TBC1D8: variants seen among roughly 807,000 people sequenced by gnomAD.
TBC1D8 encodes BUB2-like protein 1.
Under a neutral mutation model 118.8 loss-of-function variants are expected in TBC1D8, and 65 were observed. The observed-to-expected ratio is 0.55, with a 90% CI of 0.45 to 0.67. TBC1D8 has a LOEUF of 0.67. Ranked by LOEUF, TBC1D8 falls within the 30% of genes least tolerant of loss-of-function variation. The pLI is 0.00. For synonymous variants in TBC1D8, 566 were observed against 595.8 expected, an observed-to-expected ratio of 0.95 and a Z score of 0.73; for missense variants, 1,376 against 1,471.2, an observed-to-expected ratio of 0.94 and a Z score of 1.06.
intron 2 of TBC1D8, among the ~76,000 whole-genome samples, chr2:101,073,145 C>A (rs1191069523): frequency 1.7e-5 from 1 of 59,936 alleles, no homozygotes; most frequent in Non-Finnish European, 5.2e-5. Context: ...GGCATGTTAG[C>A]CCCTATATCA....
chr2:101,110,398 T>A (rs1042360341), intron 1 of TBC1D8, among the ~76,000 whole-genome samples: 1 of 152,054 alleles, frequency 6.6e-6, no homozygotes, highest in Non-Finnish European at 1.5e-5. Flanking sequence ...GTAACACCCA[T>A]CCCTCTTCCC....
intron 2 of TBC1D8, among the ~76,000 whole-genome samples, chr2:101,082,590 T>C (rs1675335237): frequency 6.6e-6 from 1 of 152,224 alleles, no homozygotes; most frequent in Non-Finnish European, 1.5e-5. Context: ...ATCATTCAGC[T>C]GTAAAAACGA....
rs1461092101 is a variant in TBC1D8 at position 101,054,125 on chromosome 2, A to G, written c.614T>C (p.Phe205Ser). 5.6e-6 allele frequency: 9 copies of G among 1,612,226 alleles called. No homozygotes were observed. The highest frequency in any genetic ancestry group is 7.6e-6 in the Non-Finnish European group (9 of 1,179,126). Residue 205 changes from phenylalanine to serine, a missense_variant, in exon 4 of 20, where the codon TTC becomes TCC. Physicochemically the swap from Phe to Ser is radical, Grantham distance 155 (BLOSUM62 -2). Transcript: ENST00000409318. ...TCACTTACGTTCCTTGCCCAGGAAGAAGGAGTAGAAGCAGAGGTGGTTGAT... is the reference window on the plus strand; with the variant it reads ...TCACTTACGTTCCTTGCCCAGGAAGGAGGAGTAGAAGCAGAGGTGGTTGAT... ...LSINHLCFYS[F>S]FLGKELKLVV...
chr2:101,121,776 C>T (rs74967697), intron 1 of TBC1D8, among the ~76,000 whole-genome samples: 19,584 of 152,196 alleles, frequency 0.13, 1,406 homozygotes, highest in Middle Eastern at 0.27. Context: ...ATTATATAAA[C>T]GAAATGCGGC....
chr2:101,014,259 C>T (rs1485425994), intron 17 of TBC1D8, among the ~76,000 whole-genome samples: 1 of 151,898 alleles, frequency 6.6e-6, no homozygotes, highest in Non-Finnish European at 1.5e-5. Flanking sequence ...TCTTCTGTGG[C>T]ATTTTAACTC....
rs781311511 is a variant in TBC1D8 at position 101,028,072 on chromosome 2, G to A, written c.2427C>T (p.His809=). Residue 809 remains histidine (H), a synonymous_variant, in exon 14 of 20, where the codon CAC becomes CAT. Coordinates refer to ENST00000409318, the MANE Select transcript of TBC1D8 (RefSeq NM_001330348.2). ...CCACGTTCTGCTTTGTGGTGTCCTC[G>A]TGGCCTTGGAGGACCCTGATCCTGT... The part of the protein sequence containing the change: ...YKHRIRVLQG[H]EDTTKQNVLR... 41 of 1,613,850 alleles carry A rather than the reference G, an allele frequency of 2.5e-5. No individual in the cohort carries two copies. The highest frequency in any genetic ancestry group is 3.2e-5 in the Non-Finnish European group (38 of 1,179,908).
In TBC1D8 at chr2:101,011,046, A is replaced by G. The variant is rs1001564777; in HGVS notation, c.2918-20T>C. 10 of 1,604,136 alleles carry G rather than the reference A, an allele frequency of 6.2e-6. No individual in the cohort carries two copies. Among genetic ancestry groups the G allele is most frequent in the East Asian group, 2.2e-5 (1 of 44,690 alleles). ...CATCACCTTGAAACAAAGGAAAACA[A>G]TATGTGGTTTAATTTAAATAAATTC... On this transcript the variant is annotated intron_variant, in intron 18 of 19. Transcript: ENST00000409318.
At chr2:101,052,164 C>T (rs1222452607) in intron 4 of TBC1D8, among the ~76,000 whole-genome samples, 1 of 152,214 alleles carries the variant, frequency 6.6e-6, no homozygotes, top group African/African-American at 2.4e-5. Context: ...GAGGATCATT[C>T]ATGATCTCGT....
chr2:101,108,533 G>A (rs138636838), intron 1 of TBC1D8, among the ~76,000 whole-genome samples: 61 of 152,256 alleles, frequency 4.0e-4, no homozygotes, highest in East Asian at 2.1e-3. Flanking sequence ...ACAGGTGCGC[G>A]TCTCCGAGGT....
chr2:101,082,321 T>C (rs886181674), intron 2 of TBC1D8, among the ~76,000 whole-genome samples: 20 of 152,002 alleles, frequency 1.3e-4, no homozygotes, highest in African/African-American at 3.4e-4. Context: ...ATCAGATACG[T>C]AGAAATGGCA....
chr2:101,097,026 A>G (rs1213186846), intron 1 of TBC1D8, among the ~76,000 whole-genome samples: 1 of 152,214 alleles, frequency 6.6e-6, no homozygotes, highest in African/African-American at 2.4e-5. Flanking sequence ...AAATTGGTAA[A>G]TCATATTCAA....
intron 2 of TBC1D8, among the ~76,000 whole-genome samples, chr2:101,079,037 G>A (rs898078369): frequency 6.6e-6 from 1 of 152,152 alleles, no homozygotes; most frequent in African/African-American, 2.4e-5. Context: ...CACACCCACT[G>A]GGGTCAGACC....
At chr2:101,050,270 C>A in intron 5 of TBC1D8, 131 bp downstream of exon 5, 1 of 1,360,848 alleles carries the variant, frequency 7.3e-7, no homozygotes, top group South Asian at 1.5e-5. Context: ...ATACAAAAAT[C>A]TGGATTATGC....
At chr2:101,102,537 CA>C (rs145368622) in intron 1 of TBC1D8, among the ~76,000 whole-genome samples, 34 of 138,456 alleles carry the variant, frequency 2.5e-4, no homozygotes, top group African/African-American at 7.5e-4. Flanking sequence ...GATTAAAAAC[CA>C]AAAAAAAAAC....
At chr2:101,033,343 G>C (rs1165629423) in intron 10 of TBC1D8, 2 of 698,836 alleles carry the variant, frequency 2.9e-6, no homozygotes, top group Non-Finnish European at 5.1e-6. Flanking sequence ...TCGATCTCCT[G>C]ACCTCATGAT....
chr2:101,018,787 G>A (rs1313010502), intron 17 of TBC1D8, among the ~76,000 whole-genome samples: 1 of 152,248 alleles, frequency 6.6e-6, no homozygotes, highest in African/African-American at 2.4e-5. Flanking sequence ...TTTCTCAGCA[G>A]TTTGTTATGT....
chr2:101,095,559 A>G (rs1252516811), intron 1 of TBC1D8, among the ~76,000 whole-genome samples: 1 of 151,916 alleles, frequency 6.6e-6, no homozygotes, highest in Non-Finnish European at 1.5e-5. Flanking sequence ...AGTTTCATCC[A>G]TGTCCCTACA....
At chr2:101,135,536 C>T (rs1678817603) in intron 1 of TBC1D8, among the ~76,000 whole-genome samples, 1 of 152,196 alleles carries the variant, frequency 6.6e-6, no homozygotes, top group African/African-American at 2.4e-5. Flanking sequence ...AAATGTTCTA[C>T]GTGGAGGCGC....
At chr2:101,114,824 T>A (rs1677747284) in intron 1 of TBC1D8, among the ~76,000 whole-genome samples, 1 of 152,204 alleles carries the variant, frequency 6.6e-6, no homozygotes, top group South Asian at 2.1e-4. Flanking sequence ...CCATTAATTC[T>A]AAAAAGCAGA....
Sources: gnomAD v4.1 joint callset for allele counts (sites outside exome capture counted in the v4.1 genomes callset) on GRCh38, gnomAD v4.1.1 for gene constraint, MANE v1.5 for transcripts, NCBI Gene and HGNC (gene_info 2026-07-23, HGNC 2026-07-21) for gene names.